GLRX2: variants seen among roughly 807,000 people sequenced by gnomAD.
GLRX2 encodes the protein glutaredoxin 2, also known as bA101E13.1 (GRX2 glutaredoxin (thioltransferase) 2).
Under a neutral mutation model 16.4 loss-of-function variants are expected in GLRX2, and 12 were observed. The ratio of observed to expected loss-of-function variants is 0.73; its 90% CI spans 0.47 to 1.19. The LOEUF is 1.19. Ranked by LOEUF, GLRX2 falls within the 50% of genes most tolerant of loss-of-function variation. The pLI is 0.00. For missense variants in GLRX2, 201 were observed against 201.8 expected (o/e 1.00, Z 0.02); for synonymous variants, 95 against 76.2 (o/e 1.25, Z -1.28).
At chr1:193,101,232 G>A (rs770888932) in intron 1 of GLRX2, 28 bp from the exon 2 acceptor site, 4 of 1,368,304 alleles carry the variant, frequency 2.9e-6, no homozygotes, top group South Asian at 1.2e-5. Flanking sequence ...GAACAATGTA[G>A]TTTATTAAGC....
chr1:193,098,384 C>T (rs1211340810), intron 2 of GLRX2, among the ~76,000 whole-genome samples: 1 of 151,906 alleles, frequency 6.6e-6, no homozygotes, highest in African/African-American at 2.4e-5. Context: ...CTACTAAAAA[C>T]ACAAAAGTTG....
chr1:193,105,510 C>T (rs1489585774), upstream of GLRX2: 5 of 1,531,792 alleles, frequency 3.3e-6, no homozygotes, highest in Non-Finnish European at 3.5e-6. Context: ...GCGCCGCCGC[C>T]GGTCACCTCC....
rs1674964626 is a variant in GLRX2, at chr1:193,096,641, C to A, written c.479G>T (p.Arg160Met). Reference protein sequence around the residue: ...VHQCYLKKSKRKEFQ With the variant: ...VHQCYLKKSKMKEFQ Reference sequence around the variant, plus strand: ...GTATAAACATCACTGAAATTCTTTCCTCTTACTTTTTTTTAAATAACACTG... The same window carrying A: ...GTATAAACATCACTGAAATTCTTTCATCTTACTTTTTTTTAAATAACACTG... Residue 160 changes from arginine (R) to methionine (M), a missense_variant, in exon 4 of 4, where the codon AGG becomes ATG. Transcript: ENST00000367439. 1 of 1,586,678 alleles carries A rather than the reference C, an allele frequency of 6.3e-7. No individual in the cohort carries two copies. The highest frequency in any genetic ancestry group is 1.1e-5 in the South Asian group (1 of 89,558).
intron 1 of GLRX2, 178 bp downstream of exon 1, chr1:193,105,086 G>C: frequency 1.7e-6 from 1 of 591,508 alleles, no homozygotes; most frequent in Non-Finnish European, 2.1e-6. Flanking sequence ...AGCCGCGGAG[G>C]GCACCCTTCC....
At chr1:193,101,281 T>A (rs187643708) in intron 1 of GLRX2, 77 bp from the exon 2 acceptor site, 20 of 976,094 alleles carry the variant, frequency 2.0e-5, no homozygotes, top group Non-Finnish European at 3.0e-5. Flanking sequence ...TTGAAAAAAA[T>A]CAATCTCATA....
chr1:193,106,072 G>T, upstream of GLRX2: 1 of 984,518 alleles, frequency 1.0e-6, no homozygotes, highest in African/African-American at 1.7e-5. Context: ...GATTGCTGTT[G>T]ACAGGATTAT....
intron 3 of GLRX2, 66 bp from the exon 4 acceptor site, chr1:193,096,825 A>G (rs150124803): frequency 8.2e-7 from 1 of 1,220,286 alleles, no homozygotes; most frequent in Non-Finnish European, 1.1e-6. Flanking sequence ...ATTTCACATA[A>G]TAACGAGACA....
At position 193,098,142 on chromosome 1, in the gene GLRX2, G is replaced by A. The variant is rs546806266; in HGVS notation, c.184-382C>T. Among the ~76,000 whole-genome samples, 7 of 152,318 alleles carry A rather than the reference G, an allele frequency of 4.6e-5. No homozygotes were observed. In the South Asian group the frequency reaches 1.5e-3, roughly 32 times the overall value. On this transcript the variant is annotated intron_variant, in intron 2 of 3. Coordinates refer to ENST00000367439, the MANE Select transcript of GLRX2 (RefSeq NM_197962.3). ...TCACAGTTGAGGAAAGTGAGGTGCA[G>A]AGGAAGATCAACAATTTGTTCATGG... is the stretch of plus-strand genomic sequence containing the variant.
intron 2 of GLRX2, among the ~76,000 whole-genome samples, chr1:193,098,553 A>C (rs1675005797): frequency 6.6e-6 from 1 of 152,012 alleles, no homozygotes; most frequent in Non-Finnish European, 1.5e-5. Context: ...AAAAAAACCA[A>C]AACATTGTAC....
In GLRX2 at chr1:193,097,657, A is replaced by G. The variant is rs1572124718; in HGVS notation, c.287T>C (p.Val96Ala). Residue 96 changes from valine to alanine, a missense_variant, in exon 3 of 4, where the codon GTG (valine) becomes GCG (alanine). Transcript: ENST00000367439. ...LFHDMNVNYK[V>A]VELDLLEYGN... ...ATATTCAAGCAGGTCCAGTTCCACC[A>G]CTTTATAGTTAACATTCATGTCATG... is the stretch of plus-strand genomic sequence containing the variant. The G allele has an allele frequency of 1.9e-6, 3 of 1,613,612 alleles. No homozygotes were observed. The highest frequency in any genetic ancestry group is 2.5e-6 in the Non-Finnish European group (3 of 1,179,698).
At chr1:193,099,488 G>A (rs1286101593) in intron 2 of GLRX2, among the ~76,000 whole-genome samples, 1 of 152,066 alleles carries the variant, frequency 6.6e-6, no homozygotes, top group Non-Finnish European at 1.5e-5. Context: ...CTACAGACAT[G>A]TGTCACCACA....
Position 193,096,711 on chromosome 1 carries a change from T to C in GLRX2, c.409A>G (p.Thr137Ala), listed in dbSNP as rs1473266076. 6.2e-7 allele frequency: 1 copy of C among 1,609,288 alleles called. No homozygotes were observed. Among genetic ancestry groups the C allele is most frequent in the Non-Finnish European group, 8.5e-7 (1 of 1,176,294 alleles). ...TTTCCTTCTTTGTGAAGCCTATGAG[T>C]GTCAGTTGCACCTCCAATAAAAGTA... The part of the protein sequence containing the change: ...NGTFIGGATD[T>A]HRLHKEGKLL... The change falls in exon 4 of 4, where the codon ACT (threonine) becomes GCT (alanine). Residue 137 changes from threonine (T) to alanine (A), a missense_variant. Thr to Ala is a moderately conservative substitution (Grantham distance 58). Transcript: ENST00000367439.
rs1283457865 is a variant in GLRX2, at chr1:193,097,734, C to T, written c.210G>A (p.Val70=). 4 of 1,593,700 alleles carry T rather than the reference C, an allele frequency of 2.5e-6. No individual in the cohort carries two copies. The highest frequency in any genetic ancestry group is 2.3e-5 in the East Asian group (1 of 44,236). ...IQETISDNCV[V]IFSKTSCSYC... is the part of the protein sequence containing the mutation. Reference sequence around the variant, plus strand: ...AAGAACAGGATGTTTTTGAGAAAATCACCACACAATTATCAGAAATTGTTT... The same window carrying T: ...AAGAACAGGATGTTTTTGAGAAAATTACCACACAATTATCAGAAATTGTTT... The change falls in exon 3 of 4, where the codon GTG becomes GTA. Residue 70 remains valine, a synonymous_variant. Coordinates refer to ENST00000367439, the MANE Select transcript of GLRX2 (RefSeq NM_197962.3).
rs201987831 is a variant in GLRX2 at position 193,096,743 on chromosome 1, A to G, written c.377T>C (p.Val126Ala). 1.2e-6 allele frequency: 2 copies of G among 1,610,020 alleles called. No individual in the cohort carries two copies. Among genetic ancestry groups the G allele is most frequent in the East Asian group, 4.5e-5 (2 of 44,776 alleles). The part of the protein sequence containing the change: ...TGERTVPRIF[V>A]NGTFIGGATD... Reference sequence around the variant, plus strand: ...TGCACCTCCAATAAAAGTACCATTGACAAATATTCTTGGAACCTGTTGGAC... The same window carrying G: ...TGCACCTCCAATAAAAGTACCATTGGCAAATATTCTTGGAACCTGTTGGAC... Residue 126 changes from valine (V) to alanine (A), a missense_variant, in exon 4 of 4, where the codon GTC becomes GCC. Physicochemically the swap from Val to Ala is moderately conservative, Grantham distance 64. Transcript: ENST00000367439.
chr1:193,097,542 C>A, intron 3 of GLRX2, 42 bp downstream of exon 3: 1 of 1,467,678 alleles, frequency 6.8e-7, no homozygotes, highest in Non-Finnish European at 9.1e-7. Flanking sequence ...ATCTAGTTTA[C>A]AACCTATTAA....
chr1:193,104,600 C>T (rs887274365), intron 1 of GLRX2, among the ~76,000 whole-genome samples: 9 of 152,250 alleles, frequency 5.9e-5, no homozygotes, highest in Non-Finnish European at 1.3e-4. Context: ...GAAGTGCGAG[C>T]CGGCAGGACC....
chr1:193,096,852 T>C, intron 3 of GLRX2, 93 bp from the exon 4 acceptor site: 1 of 901,538 alleles, frequency 1.1e-6, no homozygotes, highest in Non-Finnish European at 1.7e-6. Flanking sequence ...CTCTGGGTAC[T>C]TTTATGAGCC....
intron 2 of GLRX2, among the ~76,000 whole-genome samples, chr1:193,098,320 C>T (rs930480893): frequency 6.6e-6 from 1 of 152,082 alleles, no homozygotes; most frequent in Non-Finnish European, 1.5e-5. Flanking sequence ...GCAGGCAGAT[C>T]ACTTGAGGTA....
chr1:193,105,306 C>A lies in GLRX2; in HGVS notation c.77G>T (p.Arg26Met), dbSNP rs1399804851. 6.5e-7 allele frequency: 1 copy of A among 1,534,622 alleles called. No homozygotes were observed. Among genetic ancestry groups the A allele is most frequent in the South Asian group, 1.2e-5 (1 of 83,802 alleles). ...CGCAGCTCCCGCAGCTCCCGCCGCCCTGTCAAGCCAGCCTGCCGAGCCGCT... is the reference window on the plus strand; with the variant it reads ...CGCAGCTCCCGCAGCTCCCGCCGCCATGTCAAGCCAGCCTGCCGAGCCGCT... ...SRSGSAGWLD[R>M]AAGAAGAAAA... is the part of the protein sequence containing the mutation. Residue 26 changes from arginine (R) to methionine (M), a missense_variant, in exon 1 of 4, where the codon AGG becomes ATG. Physicochemically the swap from Arg to Met is moderately conservative, Grantham distance 91. Transcript: ENST00000367439.
Sources: allele counts gnomAD v4.1 joint callset (sites outside exome capture counted in the v4.1 genomes callset), GRCh38; gene constraint gnomAD v4.1.1; transcripts MANE v1.5; gene names NCBI Gene and HGNC (gene_info 2026-07-23, HGNC 2026-07-21).